The following JAG2 variants were observed in gnomAD, a reference collection of about 807,000 sequenced individuals.
JAG2 encodes jagged canonical Notch ligand 2, also known as protein jagged-2.
JAG2 carries 46 observed loss-of-function variants against 141.7 expected under a neutral mutation model. The observed-to-expected ratio is 0.32, with a 90% CI of 0.26 to 0.42. The LOEUF (loss-of-function observed/expected upper bound fraction) is 0.42, where lower values mean the gene tolerates loss of function less well. Among genes scored for constraint, JAG2 ranks in the 10% least tolerant of loss-of-function variants. The probability of loss-of-function intolerance (pLI) is 1.00; values close to 1 mark genes in which losing one functional copy is unlikely to be tolerated. For missense variants in JAG2, 1,500 were observed against 1,817.5 expected, an observed-to-expected ratio of 0.83 and a Z score of 3.18; for synonymous variants, 862 against 763.5, an observed-to-expected ratio of 1.13 and a Z score of -2.13.
rs917063695 is a variant in JAG2, at chr14:105,154,197, G to A, written c.788+1365C>T. 2.6e-5 allele frequency among the ~76,000 whole-genome samples: 4 copies of A among 152,150 alleles called. No individual in the cohort carries two copies. Among genetic ancestry groups the A allele is most frequent in the Admixed American group, 6.5e-5 (1 of 15,284 alleles). On this transcript the variant is annotated intron_variant, in intron 5 of 25. Transcript: ENST00000331782. This position sits in a 1 kb window ranked among gnomAD's most constrained non-coding sequence, Gnocchi z 4.4. ...CCCCGACTCCTCTCCAAAACGCCAC[G>A]CTGTGTGACCCTGGGGAAATCAGTA...
At chr14:105,163,097 G>A (rs1421281520) in intron 2 of JAG2, among the ~76,000 whole-genome samples, 1 of 152,186 alleles carries the variant, frequency 6.6e-6, no homozygotes. Context: ...GCCCCGACTT[G>A]GTTTCTTCTC....
At position 105,166,871 on chromosome 14, in the gene JAG2, C is replaced by T. The variant is rs138569701; in HGVS notation, c.417+886G>A. 3.9e-5 allele frequency among the ~76,000 whole-genome samples: 6 copies of T among 152,306 alleles called. No homozygotes were observed. The East Asian group carries it at 1.2e-3, about 29-fold the overall frequency. Reference sequence around the variant, plus strand: ...TTCCCGCACTCACCCAGTTCCAGGCCCCCAGCACAATGACCAAGCAGGGAA... The same window carrying T: ...TTCCCGCACTCACCCAGTTCCAGGCTCCCAGCACAATGACCAAGCAGGGAA... On this transcript the variant is annotated intron_variant, in intron 2 of 25. Coordinates refer to ENST00000331782, the MANE Select transcript of JAG2 (RefSeq NM_002226.5).
intron 2 of JAG2, among the ~76,000 whole-genome samples, chr14:105,165,399 G>A (rs587736500): frequency 1.3e-5 from 2 of 152,324 alleles, no homozygotes; most frequent in South Asian, 4.1e-4. Flanking sequence ...TACAAGCCAG[G>A]CACCAGAACC....
Position 105,143,601 on chromosome 14 carries a change from A to G in JAG2, c.3122T>C (p.Leu1041Pro). ...GATGGCGTGGGCCGCGCCCTGGATC[A>G]GGCTGCTGTCAGGCAGGTCCCTGGC... ...SPARDLPDSS[L>P]IQGAAHAIVA... The change falls in exon 25 of 26, where the codon CTG becomes CCG. Residue 1041 changes from leucine (L) to proline (P), a missense_variant. Leu to Pro is a moderately conservative substitution (Grantham distance 98). This residue lies in a region of JAG2 where 425 missense variants were observed against 441.0 expected (regional missense o/e 0.96). Transcript: ENST00000331782. The G allele has an allele frequency of 6.2e-7, 1 of 1,608,380 alleles. No homozygotes were observed. Among genetic ancestry groups the G allele is most frequent in the Non-Finnish European group, 8.5e-7 (1 of 1,179,558 alleles).
At chr14:105,151,212 C>CAT in intron 9 of JAG2, 71 bp downstream of exon 9, 1 of 1,484,556 alleles carries the variant, frequency 6.7e-7, no homozygotes, top group Non-Finnish European at 9.1e-7. Context: ...CCAGCAGCCC[C>CAT]CGCAGCCCCA....
chr14:105,158,935 A>G (rs1024391810), intron 2 of JAG2, among the ~76,000 whole-genome samples: 1 of 151,986 alleles, frequency 6.6e-6, no homozygotes, highest in Non-Finnish European at 1.5e-5. Context: ...AGCAAGGCCC[A>G]ACCCCACGCC....
Position 105,142,283 on chromosome 14 carries a change from A to C in JAG2, c.*412T>G. 5.3e-6 allele frequency: 1 copy of C among 188,166 alleles called. No individual in the cohort carries two copies. Among genetic ancestry groups the C allele is most frequent in the Middle Eastern group, 4.8e-4 (1 of 2,068 alleles). 11.7% of individuals were successfully genotyped at this position (188,166 alleles called of 1,614,324 possible). A position where few individuals can be genotyped will look rare whatever the true frequency, so the allele number is the denominator to read the frequency against. On this transcript the variant is annotated 3_prime_UTR_variant, in exon 26 of 26. Transcript: ENST00000331782. ...CGGGTCCCACCAACAGCCATGGGCC[A>C]CACCAACACAGCCATGGGTCTCACC...
Position 105,146,372 on chromosome 14 carries a change from G to C in JAG2, c.2709+13C>G, listed in dbSNP as rs763146195. 4 of 1,607,684 alleles carry C rather than the reference G, an allele frequency of 2.5e-6. No homozygotes were observed. The highest frequency in any genetic ancestry group is 3.4e-6 in the Non-Finnish European group (4 of 1,175,604). Reference sequence around the variant, plus strand: ...CCTCGGGTAGGGCAGGGCGGCTCACGGGCTGCCCTCACCTTGCTGCAGTCA... The same window carrying C: ...CCTCGGGTAGGGCAGGGCGGCTCACCGGCTGCCCTCACCTTGCTGCAGTCA... On this transcript the variant is annotated intron_variant, in intron 22 of 25. Transcript: ENST00000331782.
chr14:105,150,037 T>TGGGGGAGGTGGGGAA (rs1394731678), intron 12 of JAG2, among the ~76,000 whole-genome samples: 1 of 41,432 alleles, frequency 2.4e-5, no homozygotes, highest in Non-Finnish European at 4.4e-5. Context: ...GAGGCAGGGT[T>TGGGGGAGGTGGGGAA]GGGGGAGGTG....
Position 105,146,719 on chromosome 14 carries a change from C to T in JAG2, c.2485G>A (p.Asp829Asn), listed in dbSNP as rs772751472. 5.6e-6 allele frequency: 9 copies of T among 1,611,724 alleles called. No individual in the cohort carries two copies. The highest frequency in any genetic ancestry group is 4.0e-5 in the African/African-American group (3 of 74,928). ...GCACAGGGCGAGGACTGGCACTCGT[C>T]GATGTCTGCAGGGAGAGCCACCGCT... ...FAGPDCRINI[D>N]ECQSSPCAYG... is the part of the protein sequence containing the mutation. The change falls in exon 21 of 26, where the codon GAC (aspartate) becomes AAC (asparagine). Residue 829 changes from aspartate to asparagine, a missense_variant. By Grantham distance (23) the Asp-to-Asn change is conservative (BLOSUM62 1). Coordinates refer to ENST00000331782, the MANE Select transcript of JAG2 (RefSeq NM_002226.5).
At chr14:105,161,324 G>A (rs1273438507) in intron 2 of JAG2, among the ~76,000 whole-genome samples, 1 of 152,166 alleles carries the variant, frequency 6.6e-6, no homozygotes. Flanking sequence ...AGTGAGGTCA[G>A]AGGATGGGGC....
intron 5 of JAG2, among the ~76,000 whole-genome samples, chr14:105,153,164 C>A (rs962478241): frequency 2.0e-5 from 3 of 152,122 alleles, no homozygotes; most frequent in African/African-American, 7.2e-5. Context: ...GTCACTTCCA[C>A]ACCGGCACCC....
intron 2 of JAG2, among the ~76,000 whole-genome samples, chr14:105,161,186 G>A (rs1268604427): frequency 6.8e-6 from 1 of 147,778 alleles, no homozygotes; most frequent in African/African-American, 2.5e-5. Context: ...GGGGGTCTGA[G>A]TGAGGTCTGT....
intron 18 of JAG2, 45 bp from the exon 19 acceptor site, chr14:105,147,572 A>AAGCG: frequency 6.3e-7 from 1 of 1,589,784 alleles, no homozygotes; most frequent in South Asian, 1.1e-5. Context: ...CCCACCCCCC[A>AAGCG]AGCGTGCCAG....
chr14:105,158,987 C>G (rs1888655065), intron 2 of JAG2, among the ~76,000 whole-genome samples: 1 of 152,158 alleles, frequency 6.6e-6, no homozygotes. Flanking sequence ...CCACCCCACG[C>G]ACGTCCCAGT....
In JAG2 at chr14:105,142,962, C is replaced by A. The variant is rs142271414; in HGVS notation, c.3450G>T (p.Gln1150His). ...RPGGHKDVLY[Q>H]CKNFTPPPRR... ...GCGGCGGCGGCGTGAAGTTCTTGCA[C>A]TGGTAGAGCACGTCCTTGTGGCCCC... The change falls in exon 26 of 26, where the codon CAG becomes CAT. Residue 1150 changes from glutamine (Q) to histidine (H), a missense_variant. Transcript: ENST00000331782. 3.1e-6 allele frequency: 5 copies of A among 1,610,136 alleles called. No homozygotes were observed. The highest frequency in any genetic ancestry group is 3.3e-5 in the Admixed American group (2 of 59,924).
rs1190983447 is a variant in JAG2, at chr14:105,142,395, G to A, written c.*300C>T. ...CAGTGCACAACCTCTGGTAACAAAC[G>A]CTACGATTTGGTGACGACGCAGACA... is the stretch of plus-strand genomic sequence containing the variant. On this transcript the variant is annotated 3_prime_UTR_variant, in exon 26 of 26. Transcript: ENST00000331782. 3 of 367,000 alleles carry A rather than the reference G, an allele frequency of 8.2e-6. No individual in the cohort carries two copies. The highest frequency in any genetic ancestry group is 2.1e-5 in the African/African-American group (1 of 46,578). The allele number at this position is 367,000 out of a possible 1,614,324, so 22.7% of individuals were successfully genotyped here.
rs767469145 is a variant in JAG2, at chr14:105,152,012, G to C, written c.965C>G (p.Thr322Arg). 2 of 1,613,390 alleles carry C rather than the reference G, an allele frequency of 1.2e-6. No individual in the cohort carries two copies. The highest frequency in any genetic ancestry group is 2.2e-5 in the East Asian group (1 of 44,876). ...GSHHPCTNGG[T>R]CINAEPDQYR... Reference sequence around the variant, plus strand: ...CTGGTCAGGCTCGGCGTTGATGCACGTGCCTCCGTTGGTGCAGGGGTGGTG... The same window carrying C: ...CTGGTCAGGCTCGGCGTTGATGCACCTGCCTCCGTTGGTGCAGGGGTGGTG... The change falls in exon 7 of 26, where the codon ACG (threonine) becomes AGG (arginine). Residue 322 changes from threonine (T) to arginine (R), a missense_variant. Transcript: ENST00000331782.
intron 2 of JAG2, among the ~76,000 whole-genome samples, chr14:105,166,543 C>T (rs587674515): frequency 2.0e-5 from 3 of 152,340 alleles, no homozygotes; most frequent in Admixed American, 1.3e-4. Flanking sequence ...GGGGTGCTCA[C>T]GGGTTGAGGA....
Sources: gnomAD v4.1 joint callset for allele counts (sites outside exome capture counted in the v4.1 genomes callset) on GRCh38, gnomAD v4.1.1 for gene constraint, gnomAD v4.1.1 regional missense constraint, Gnocchi (gnomAD v3.1) non-coding constraint, MANE v1.5 for transcripts, NCBI Gene and HGNC (gene_info 2026-07-23, HGNC 2026-07-21) for gene names.